The following ADAM12 variants were observed in gnomAD, a reference collection of about 807,000 sequenced individuals.
ADAM12 encodes ADAM metallopeptidase domain 12.
Under a neutral mutation model 106.4 loss-of-function variants are expected in ADAM12, and 70 were observed. The observed-to-expected ratio is 0.66, with a 90% CI of 0.54 to 0.80. The LOEUF (loss-of-function observed/expected upper bound fraction) is 0.80, where lower values mean the gene tolerates loss of function less well. Among genes scored for constraint, ADAM12 ranks in the 30% least tolerant of loss-of-function variants. The probability of loss-of-function intolerance (pLI) is 0.00; values close to 1 mark genes in which losing one functional copy is unlikely to be tolerated. For missense variants in ADAM12, 1,010 were observed against 1,171.9 expected (o/e 0.86, Z 2.02); for synonymous variants, 420 against 433.5 (o/e 0.97, Z 0.39).
intron 1 of ADAM12, among the ~76,000 whole-genome samples, chr10:126,337,205 A>C (rs1030146961): frequency 6.6e-6 from 1 of 152,188 alleles, no homozygotes; most frequent in Non-Finnish European, 1.5e-5. Context: ...AAAACCAGGG[A>C]AGCCAACAGT....
chr10:126,043,421 C>T lies in ADAM12; in HGVS notation c.1996-273G>A, dbSNP rs1365353032. On this transcript the variant is annotated intron_variant, in intron 17 of 22. Coordinates refer to ENST00000448723, the MANE Select transcript of ADAM12 (RefSeq NM_001288973.2). This position sits in a 1 kb window ranked among gnomAD's most constrained non-coding sequence, Gnocchi z 4.1. ...TTCATCAGCTTGCCTCCCCCACCCA[C>T]CTCACTTCCTTCTCCATCTCCCCAT... 6.6e-6 allele frequency among the ~76,000 whole-genome samples: 1 copy of T among 152,202 alleles called. No homozygotes were observed. Among genetic ancestry groups the T allele is most frequent in the African/African-American group, 2.4e-5 (1 of 41,452 alleles).
At chr10:126,226,090 G>T (rs1232330271) in intron 3 of ADAM12, among the ~76,000 whole-genome samples, 1 of 151,898 alleles carries the variant, frequency 6.6e-6, no homozygotes, top group African/African-American at 2.4e-5. Context: ...ACCCGTGCAA[G>T]CCAGGATGGT....
At chr10:126,209,225 T>C (rs1055214221) in intron 3 of ADAM12, among the ~76,000 whole-genome samples, 1 of 152,228 alleles carries the variant, frequency 6.6e-6, no homozygotes, top group Non-Finnish European at 1.5e-5. Flanking sequence ...CACATCTTGA[T>C]GAAAAGGGGT....
At chr10:126,359,329 C>T (rs1223883703) in intron 1 of ADAM12, among the ~76,000 whole-genome samples, 1 of 152,164 alleles carries the variant, frequency 6.6e-6, no homozygotes, top group Non-Finnish European at 1.5e-5. Context: ...TAACTCATTA[C>T]AGCATTAACT....
intron 3 of ADAM12, among the ~76,000 whole-genome samples, chr10:126,232,583 GCTCT>G (rs928168024): frequency 1.3e-5 from 2 of 152,152 alleles, no homozygotes; most frequent in African/African-American, 2.4e-5. Context: ...CAAGCAATCT[GCTCT>G]CTCTTTGTTC....
intron 2 of ADAM12, among the ~76,000 whole-genome samples, chr10:126,303,938 A>C (rs529965272): frequency 1.3e-5 from 2 of 152,208 alleles, no homozygotes; most frequent in South Asian, 4.1e-4. Flanking sequence ...ACATTATAGA[A>C]CCATACTATA....
chr10:126,329,909 T>C (rs566411434), intron 2 of ADAM12, among the ~76,000 whole-genome samples: 1 of 152,336 alleles, frequency 6.6e-6, no homozygotes, highest in South Asian at 2.1e-4. Context: ...CGCACCAAGA[T>C]ATTAAATTTA....
At chr10:126,280,601 G>T (rs149617480) in intron 2 of ADAM12, among the ~76,000 whole-genome samples, 37 of 152,258 alleles carry the variant, frequency 2.4e-4, no homozygotes, top group Admixed American at 2.2e-3. Flanking sequence ...TGCCACCTGA[G>T]AATTAGATTA....
chr10:126,165,973 A>C (rs1338680119), intron 3 of ADAM12, among the ~76,000 whole-genome samples: 1 of 152,204 alleles, frequency 6.6e-6, no homozygotes. Context: ...AATGATCAAA[A>C]CAACTTTTGT....
chr10:126,116,300 C>T (rs1955981514), intron 6 of ADAM12, among the ~76,000 whole-genome samples: 1 of 152,118 alleles, frequency 6.6e-6, no homozygotes, highest in African/African-American at 2.4e-5. Flanking sequence ...AAGCAAAGAG[C>T]CTGGAAAACA....
intron 21 of ADAM12, among the ~76,000 whole-genome samples, chr10:126,030,961 A>G (rs1953961544): frequency 6.6e-6 from 1 of 152,146 alleles, no homozygotes; most frequent in Admixed American, 6.5e-5. Flanking sequence ...CTACACATCT[A>G]TTATGTTCGA....
In ADAM12 at chr10:126,013,725, C is replaced by T. The variant is rs1953608268; in HGVS notation, c.*3554G>A. On this transcript the variant is annotated 3_prime_UTR_variant, in exon 23 of 23. Transcript: ENST00000448723. The surrounding 1 kb of genome is among the most constrained non-coding windows in gnomAD (Gnocchi z 4.3). Reference sequence around the variant, plus strand: ...GGGAAAGGTAAACAGATGTATTAGCCACTGGCTTTGTGTGGGCAGCTGTGT... The same window carrying T: ...GGGAAAGGTAAACAGATGTATTAGCTACTGGCTTTGTGTGGGCAGCTGTGT... 6.6e-6 allele frequency: 1 copy of T among 152,292 alleles called. No individual in the cohort carries two copies. The highest frequency in any genetic ancestry group is 2.1e-4 in the South Asian group (1 of 4,824). 9.4% of individuals were successfully genotyped at this position (152,292 alleles called of 1,614,324 possible).
At chr10:126,326,791 C>G (rs72828743) in intron 2 of ADAM12, among the ~76,000 whole-genome samples, 9,276 of 152,156 alleles carry the variant, frequency 0.061, 541 homozygotes, top group East Asian at 0.25. Flanking sequence ...GCTGTTTCCT[C>G]GGCCTGGATG....
At chr10:126,193,492 T>A (rs541012282) in intron 3 of ADAM12, among the ~76,000 whole-genome samples, 1 of 152,284 alleles carries the variant, frequency 6.6e-6, no homozygotes, top group African/African-American at 2.4e-5. Context: ...ATTTATTGTG[T>A]GGTTTAAACT....
At chr10:126,108,463 A>T in intron 8 of ADAM12, 130 bp downstream of exon 8, 1 of 767,476 alleles carries the variant, frequency 1.3e-6, no homozygotes, top group Non-Finnish European at 2.2e-6. Context: ...CACTCAGAGG[A>T]CAGGAAACAG....
At chr10:126,243,548 T>C (rs889874188) in intron 3 of ADAM12, among the ~76,000 whole-genome samples, 2 of 150,234 alleles carry the variant, frequency 1.3e-5, no homozygotes, top group African/African-American at 4.9e-5. Flanking sequence ...AAAACACTTA[T>C]GGGTGTGTGT....
chr10:126,303,585 C>G (rs1050559632), intron 2 of ADAM12, among the ~76,000 whole-genome samples: 1 of 152,142 alleles, frequency 6.6e-6, no homozygotes, highest in African/African-American at 2.4e-5. Flanking sequence ...GTGAGATATG[C>G]TTTGAGCAAA....
At chr10:126,384,540 G>A (rs781112669) in intron 1 of ADAM12, among the ~76,000 whole-genome samples, 11 of 152,096 alleles carry the variant, frequency 7.2e-5, no homozygotes, top group South Asian at 4.1e-4. Context: ...AAAGTAACCC[G>A]TGAGTCACAT....
At chr10:126,162,526 G>A (rs1312498930) in intron 3 of ADAM12, among the ~76,000 whole-genome samples, 1 of 152,124 alleles carries the variant, frequency 6.6e-6, no homozygotes, top group Non-Finnish European at 1.5e-5. Flanking sequence ...TTTATCCTGT[G>A]CCATGCAGAG....
Sources: gnomAD v4.1 joint callset for allele counts (sites outside exome capture counted in the v4.1 genomes callset) on GRCh38, gnomAD v4.1.1 for gene constraint, Gnocchi (gnomAD v3.1) non-coding constraint, MANE v1.5 for transcripts, NCBI Gene and HGNC (gene_info 2026-07-23, HGNC 2026-07-21) for gene names.